NRG3: variants seen among roughly 807,000 people sequenced by gnomAD.
The protein encoded by NRG3 is pro-neuregulin-3, membrane-bound isoform.
NRG3 carries 31 observed loss-of-function variants against 66.9 expected under a neutral mutation model. That is an observed-to-expected ratio of 0.46 (90% confidence interval 0.35 to 0.63). The LOEUF (loss-of-function observed/expected upper bound fraction) is 0.63. Ranked by LOEUF, NRG3 falls within the 20% of genes least tolerant of loss-of-function variation. NRG3 has a pLI of 0.00. For missense variants in NRG3, 910 were observed against 878.9 expected, an observed-to-expected ratio of 1.04 and a Z score of -0.45; for synonymous variants, 393 against 359.4, an observed-to-expected ratio of 1.09 and a Z score of -1.06.
chr10:82,384,885 A>G (rs561586766), intron 2 of NRG3, among the ~76,000 whole-genome samples: 2 of 152,130 alleles, frequency 1.3e-5, no homozygotes, highest in African/African-American at 4.8e-5. Flanking sequence ...ACTAATTTAC[A>G]CTCCCACCAA....
At chr10:82,644,702 G>C (rs1326332139) in intron 2 of NRG3, among the ~76,000 whole-genome samples, 2 of 152,132 alleles carry the variant, frequency 1.3e-5, no homozygotes, top group Non-Finnish European at 2.9e-5. Context: ...AGGACAGAAT[G>C]TGTGTGTCTA....
chr10:82,512,221 CTA>C (rs1339937293), intron 2 of NRG3, among the ~76,000 whole-genome samples: 10 of 151,170 alleles, frequency 6.6e-5, no homozygotes, highest in South Asian at 2.1e-4. Context: ...CATATATAGA[CTA>C]TATATATAAT....
intron 1 of NRG3, among the ~76,000 whole-genome samples, chr10:81,934,311 C>T (rs1174290924): frequency 6.6e-6 from 1 of 152,178 alleles, no homozygotes; most frequent in African/African-American, 2.4e-5. Flanking sequence ...GGAGAAGAGG[C>T]GTAATGAATA....
At chr10:82,437,099 G>T (rs2090180974) in intron 2 of NRG3, among the ~76,000 whole-genome samples, 1 of 152,098 alleles carries the variant, frequency 6.6e-6, no homozygotes, top group South Asian at 2.1e-4. Flanking sequence ...CTAGGTTGGG[G>T]AAGTTCTCTT....
chr10:82,487,078 A>G (rs1298322884), intron 2 of NRG3, among the ~76,000 whole-genome samples: 1 of 148,496 alleles, frequency 6.7e-6, no homozygotes, highest in African/African-American at 2.4e-5. Context: ...ATATGTATAT[A>G]TAATACACTA....
intron 4 of NRG3, among the ~76,000 whole-genome samples, chr10:82,911,038 A>C (rs1845270941): frequency 6.6e-6 from 1 of 152,202 alleles, no homozygotes; most frequent in African/African-American, 2.4e-5. Flanking sequence ...TACAAAAATC[A>C]TTGTCATTCT....
intron 2 of NRG3, among the ~76,000 whole-genome samples, chr10:82,674,370 A>T (rs1307558937): frequency 6.6e-6 from 1 of 152,152 alleles, no homozygotes; most frequent in Non-Finnish European, 1.5e-5. Flanking sequence ...CTCAGTTGTC[A>T]GGGTGAGAGT....
intron 1 of NRG3, among the ~76,000 whole-genome samples, chr10:82,132,505 CATATATATATGATATA>C (rs1564593700): frequency 0.13 from 8,100 of 60,348 alleles, 1,741 homozygotes; most frequent in African/African-American, 0.27. Flanking sequence ...ATATATATAT[CATATATATATGATATA>C]TATGATATAT....
At chr10:82,136,708 A>G (rs145525128) in intron 1 of NRG3, among the ~76,000 whole-genome samples, 131 of 150,818 alleles carry the variant, frequency 8.7e-4, no homozygotes, top group East Asian at 6.6e-3. Flanking sequence ...TTTATTCAGG[A>G]CCCAAGGGCT....
intron 1 of NRG3, among the ~76,000 whole-genome samples, chr10:81,957,048 A>G (rs1849904160): frequency 6.6e-6 from 1 of 152,174 alleles, no homozygotes. Context: ...CATAAGATTA[A>G]TTCTCACCAG....
At chr10:82,425,569 C>T (rs186530734) in intron 2 of NRG3, among the ~76,000 whole-genome samples, 182 of 152,108 alleles carry the variant, frequency 1.2e-3, no homozygotes, top group African/African-American at 4.0e-3. Context: ...CTTGTTTTAA[C>T]GCATGCTTTG....
chr10:82,668,364 A>G (rs1245482705), intron 2 of NRG3, among the ~76,000 whole-genome samples: 1 of 152,066 alleles, frequency 6.6e-6, no homozygotes, highest in Non-Finnish European at 1.5e-5. Context: ...TGATTTTATT[A>G]CCCTCTTAGA....
chr10:82,807,031 T>G (rs562854764), intron 3 of NRG3, among the ~76,000 whole-genome samples: 23 of 152,362 alleles, frequency 1.5e-4, no homozygotes, highest in Admixed American at 1.5e-3. Context: ...ACACATTGTT[T>G]GCTGCCAAGA....
intron 2 of NRG3, among the ~76,000 whole-genome samples, chr10:82,640,566 A>G (rs987043379): frequency 6.6e-6 from 1 of 152,180 alleles, no homozygotes; most frequent in African/African-American, 2.4e-5. Flanking sequence ...AGACTGTACT[A>G]TTAAGAGGAA....
intron 4 of NRG3, among the ~76,000 whole-genome samples, chr10:82,948,833 T>TAAATTGTC (rs1224378037): frequency 2.0e-5 from 3 of 152,184 alleles, no homozygotes; most frequent in Admixed American, 6.5e-5. Flanking sequence ...CTTTTCTGTA[T>TAAATTGTC]AAATTGTCAT....
intron 2 of NRG3, among the ~76,000 whole-genome samples, chr10:82,477,245 C>G (rs1277378662): frequency 6.6e-6 from 1 of 152,094 alleles, no homozygotes; most frequent in East Asian, 1.9e-4. Context: ...AATACCAAAT[C>G]CACACAAGGA....
intron 3 of NRG3, among the ~76,000 whole-genome samples, chr10:82,754,316 T>C (rs1170721379): frequency 6.6e-6 from 1 of 151,486 alleles, no homozygotes; most frequent in African/African-American, 2.4e-5. Flanking sequence ...TATTAAAATA[T>C]ATAAAAGGAG....
Position 82,984,179 on chromosome 10 carries a change from C to T in NRG3, c.1584-919C>T, listed in dbSNP as rs116551605. The stretch of plus-strand genomic sequence containing the variant: ...ACACTACTGTTCAAGTTCCAAAACC[C>T]CATTTCTATAAATCTGCTGCGTACC... On this transcript the variant is annotated intron_variant, in intron 8 of 8. Transcript: ENST00000372141. Among the ~76,000 whole-genome samples, 365 of 152,282 alleles carry T rather than the reference C, an allele frequency of 2.4e-3. 2 individuals carry two copies. The highest frequency in any genetic ancestry group is 8.3e-3 in the African/African-American group (344 of 41,554).
intron 1 of NRG3, among the ~76,000 whole-genome samples, chr10:81,960,793 C>T (rs1589604670): frequency 2.0e-5 from 3 of 151,918 alleles, no homozygotes; most frequent in East Asian, 3.9e-4. Flanking sequence ...ATGCCACATC[C>T]GCTGATTTCA....
Sources: gnomAD v4.1 joint callset for allele counts (sites outside exome capture counted in the v4.1 genomes callset) on GRCh38, gnomAD v4.1.1 for gene constraint, MANE v1.5 for transcripts, NCBI Gene and HGNC (gene_info 2026-07-23, HGNC 2026-07-21) for gene names.